Variants in RALYL observed in about 807,000 individuals in gnomAD.
RALYL encodes RNA-binding Raly-like protein.
Under a neutral mutation model 35.1 loss-of-function variants are expected in RALYL, and 29 were observed. The observed-to-expected ratio is 0.83, with a 90% CI of 0.61 to 1.13. The LOEUF (loss-of-function observed/expected upper bound fraction) is 1.13. Among genes scored for constraint, RALYL ranks in the 50% most tolerant of loss-of-function variants. RALYL has a pLI of 0.00. For synonymous variants in RALYL, 120 were observed against 127.6 expected, an observed-to-expected ratio of 0.94 and a Z score of 0.40; for missense variants, 359 against 360.4, an observed-to-expected ratio of 1.00 and a Z score of 0.03.
intron 4 of RALYL, among the ~76,000 whole-genome samples, chr8:84,824,626 A>G (rs1192354414): frequency 6.6e-6 from 1 of 152,200 alleles, no homozygotes; most frequent in African/African-American, 2.4e-5. Flanking sequence ...CTATAAGGCT[A>G]CAATAACCAA....
chr8:84,457,186 G>A (rs1174413074), intron 1 of RALYL, among the ~76,000 whole-genome samples: 1 of 151,888 alleles, frequency 6.6e-6, no homozygotes, highest in South Asian at 2.1e-4. Context: ...TATTTGCTCT[G>A]CATTAACAAA....
Position 84,510,278 on chromosome 8 carries a change from C to T in RALYL, c.-23-19021C>T, listed in dbSNP as rs147979127. ...TAGCCAAAAGGCTGAGAAGCGATCC[C>T]TATGGCAAATTTAAATACTGTATTT... On this transcript the variant is annotated intron_variant, in intron 1 of 8. Transcript: ENST00000521268. 2.8e-3 allele frequency among the ~76,000 whole-genome samples: 425 copies of T among 152,238 alleles called. 1 individual carries two copies. Among genetic ancestry groups the T allele is most frequent in the African/African-American group, 9.8e-3 (408 of 41,532 alleles).
chr8:84,814,292 A>G (rs567184845), intron 4 of RALYL, among the ~76,000 whole-genome samples: 1 of 152,200 alleles, frequency 6.6e-6, no homozygotes, highest in African/African-American at 2.4e-5. Context: ...TTTGAGTTAC[A>G]TTATAAAAAG....
At chr8:84,742,615 G>T (rs10113437) in intron 2 of RALYL, among the ~76,000 whole-genome samples, 1,644 of 152,096 alleles carry the variant, frequency 0.011, 27 homozygotes, top group African/African-American at 0.038. Flanking sequence ...GCAAGAATCA[G>T]AGGAAACTGG....
intron 2 of RALYL, among the ~76,000 whole-genome samples, chr8:84,595,763 G>GTTTT (rs35714907): frequency 9.2e-5 from 11 of 120,202 alleles, no homozygotes; most frequent in African/African-American, 2.4e-4. Flanking sequence ...AAAACCATAA[G>GTTTT]TTTTTTTTTT....
At chr8:84,763,743 ACAC>A (rs1214230084) in intron 2 of RALYL, among the ~76,000 whole-genome samples, 1 of 152,196 alleles carries the variant, frequency 6.6e-6, no homozygotes, top group Non-Finnish European at 1.5e-5. Context: ...ATAACAGAGG[ACAC>A]AAAATAACTT....
intron 3 of RALYL, among the ~76,000 whole-genome samples, chr8:84,792,186 T>G (rs1820947240): frequency 6.6e-6 from 1 of 152,224 alleles, no homozygotes; most frequent in Admixed American, 6.5e-5. Flanking sequence ...CCCGGGTCCT[T>G]GTCCAGCATC....
intron 2 of RALYL, among the ~76,000 whole-genome samples, chr8:84,712,437 T>C (rs555216168): frequency 6.6e-6 from 1 of 150,472 alleles, no homozygotes; most frequent in East Asian, 1.9e-4. Flanking sequence ...TGCAGAAATA[T>C]ATTATCTCTC....
intron 4 of RALYL, among the ~76,000 whole-genome samples, chr8:84,807,159 C>T (rs916834044): frequency 3.9e-5 from 6 of 152,140 alleles, no homozygotes; most frequent in African/African-American, 1.4e-4. Context: ...CCCTCACCCC[C>T]CTCCCAACCT....
intron 1 of RALYL, among the ~76,000 whole-genome samples, chr8:84,499,472 G>A (rs568164837): frequency 2.0e-5 from 3 of 152,180 alleles, no homozygotes; most frequent in South Asian, 2.1e-4. Flanking sequence ...ATTTTAAATC[G>A]TATTTGCCAA....
intron 1 of RALYL, among the ~76,000 whole-genome samples, chr8:84,488,292 C>G (rs2054874070): frequency 6.6e-6 from 1 of 152,014 alleles, no homozygotes; most frequent in African/African-American, 2.4e-5. Context: ...TGAGTTATCC[C>G]CTATCTATTT....
At chr8:84,407,039 C>T (rs1436986092) in intron 1 of RALYL, among the ~76,000 whole-genome samples, 4 of 149,042 alleles carry the variant, frequency 2.7e-5, no homozygotes, top group Non-Finnish European at 5.9e-5. Flanking sequence ...TATATATACA[C>T]ACACACACTC....
intron 1 of RALYL, among the ~76,000 whole-genome samples, chr8:84,370,309 G>A (rs915138605): frequency 2.0e-5 from 3 of 152,074 alleles, no homozygotes; most frequent in Non-Finnish European, 4.4e-5. Context: ...AGACTAAGAT[G>A]AGCATCCTAA....
chr8:84,204,726 C>T (rs1160236852), intron 1 of RALYL, among the ~76,000 whole-genome samples: 1 of 152,102 alleles, frequency 6.6e-6, no homozygotes, highest in African/African-American at 2.4e-5. Flanking sequence ...ACTGCTGTCT[C>T]CAATTTCATT....
At chr8:84,720,673 A>G (rs1435837169) in intron 2 of RALYL, among the ~76,000 whole-genome samples, 2 of 152,188 alleles carry the variant, frequency 1.3e-5, no homozygotes, top group South Asian at 4.1e-4. Context: ...TCTGCACAGC[A>G]AAGGAAACAA....
intron 5 of RALYL, among the ~76,000 whole-genome samples, chr8:84,855,081 G>T (rs1046521772): frequency 2.6e-5 from 4 of 152,230 alleles, no homozygotes; most frequent in African/African-American, 9.6e-5. Context: ...ATGCTGAAAA[G>T]AGCAGGAAGC....
At chr8:84,613,243 A>C (rs1217953191) in intron 2 of RALYL, among the ~76,000 whole-genome samples, 1 of 151,694 alleles carries the variant, frequency 6.6e-6, no homozygotes, top group East Asian at 1.9e-4. Flanking sequence ...TTTCAGAATC[A>C]AGTTTAACAC....
intron 1 of RALYL, among the ~76,000 whole-genome samples, chr8:84,229,467 TCTTA>T (rs1240209934): frequency 6.6e-6 from 1 of 152,210 alleles, no homozygotes; most frequent in Non-Finnish European, 1.5e-5. Context: ...TACTTGTGTT[TCTTA>T]CACTAGAAGA....
intron 1 of RALYL, among the ~76,000 whole-genome samples, chr8:84,512,748 A>T (rs2057728403): frequency 6.6e-6 from 1 of 152,154 alleles, no homozygotes; most frequent in Non-Finnish European, 1.5e-5. Context: ...CTGCATATGG[A>T]TGTCCAATTT....
Sources: gnomAD v4.1 joint callset for allele counts (sites outside exome capture counted in the v4.1 genomes callset) on GRCh38, gnomAD v4.1.1 for gene constraint, MANE v1.5 for transcripts, NCBI Gene and HGNC (gene_info 2026-07-23, HGNC 2026-07-21) for gene names.